The following AKAP3 variants were observed in gnomAD, a reference collection of about 807,000 sequenced individuals.
AKAP3 encodes the protein A-kinase anchor protein 3.
A neutral mutation model predicts 57.2 loss-of-function variants in AKAP3; 27 were observed. The ratio of observed to expected loss-of-function variants is 0.47; its 90% confidence interval spans 0.35 to 0.65. AKAP3 has a LOEUF of 0.65. Among genes scored for constraint, AKAP3 ranks in the 30% least tolerant of loss-of-function variants. AKAP3 has a pLI of 0.01. For synonymous variants in AKAP3, 334 were observed against 392.3 expected (o/e 0.85, Z 1.76); for missense variants, 959 against 1,040.0 (o/e 0.92, Z 1.07).
At chr12:4,620,785 C>G (rs1407736459) in intron 5 of AKAP3, among the ~76,000 whole-genome samples, 2 of 152,124 alleles carry the variant, frequency 1.3e-5, no homozygotes, top group Non-Finnish European at 2.9e-5. Flanking sequence ...ATATAAAAGT[C>G]TAGCACACAC....
intron 5 of AKAP3, 100 bp downstream of exon 5, chr12:4,626,396 C>G (rs1426377916): frequency 1.5e-6 from 2 of 1,364,392 alleles, no homozygotes; most frequent in Non-Finnish European, 2.0e-6. Context: ...TCCCATTTTA[C>G]CTTCTCTGTG....
chr12:4,646,294 G>T lies in AKAP3; in HGVS notation c.-244-1102C>A, dbSNP rs1331417271. 3.3e-5 allele frequency among the ~76,000 whole-genome samples: 5 copies of T among 152,082 alleles called. No homozygotes were observed. The East Asian group carries it at 9.6e-4, about 29-fold the overall frequency. ...GTATATAGTTTCCATGGAGCAAAAA[G>T]AAATTCCAAGCATGGCCACGAGATA... On this transcript the variant is annotated intron_variant, in intron 1 of 5. Transcript: ENST00000228850.
At chr12:4,642,698 C>T (rs979865516) in intron 2 of AKAP3, among the ~76,000 whole-genome samples, 2 of 152,146 alleles carry the variant, frequency 1.3e-5, no homozygotes, top group Non-Finnish European at 2.9e-5. Flanking sequence ...TCAATGTGTA[C>T]ATTCTATCTA....
chr12:4,628,837 A>T (rs751085016), intron 4 of AKAP3, 32 bp from the exon 5 acceptor site: 6 of 1,567,008 alleles, frequency 3.8e-6, no homozygotes, highest in South Asian at 2.4e-5. Context: ...ATCTGACTAT[A>T]ACAAAGTAAA....
At position 4,627,352 on chromosome 12, in the gene AKAP3, A is replaced by G. The variant is rs748250818; in HGVS notation, c.1550T>C (p.Met517Thr). Residue 517 changes from methionine (M) to threonine (T), a missense_variant, in exon 5 of 6, where the codon ATG (methionine) becomes ACG (threonine). Met to Thr is a moderately conservative substitution (Grantham distance 81). Coordinates refer to ENST00000228850, the MANE Select transcript of AKAP3 (RefSeq NM_001278309.2). Reference sequence around the variant, plus strand: ...CTCGGCCCAGGAGTCTGAATCATACATAAAATTCTCAGGTTTCTCTGGAGG... The same window carrying G: ...CTCGGCCCAGGAGTCTGAATCATACGTAAAATTCTCAGGTTTCTCTGGAGG... ...PYPPEKPENF[M>T]YDSDSWAEDL... 3 of 1,614,146 alleles carry G rather than the reference A, an allele frequency of 1.9e-6. No individual in the cohort carries two copies. The highest frequency in any genetic ancestry group is 2.5e-6 in the Non-Finnish European group (3 of 1,180,022).
At chr12:4,618,213 G>GTA (rs1236238773) in intron 5 of AKAP3, among the ~76,000 whole-genome samples, 1 of 152,148 alleles carries the variant, frequency 6.6e-6, no homozygotes, top group Non-Finnish European at 1.5e-5. Context: ...TAACCCAAGT[G>GTA]TATGCTGCCT....
intron 5 of AKAP3, among the ~76,000 whole-genome samples, chr12:4,626,041 C>T (rs1394343697): frequency 2.6e-5 from 4 of 152,116 alleles, no homozygotes; most frequent in East Asian, 1.9e-4. Flanking sequence ...AAATCCCCAA[C>T]GCCACCTAGA....
chr12:4,630,100 G>A (rs1250260965), intron 4 of AKAP3, among the ~76,000 whole-genome samples: 2 of 152,080 alleles, frequency 1.3e-5, no homozygotes, highest in Non-Finnish European at 2.9e-5. Flanking sequence ...TGTAATTATT[G>A]GAGTTCATAT....
At chr12:4,632,779 T>C (rs566157214) in intron 4 of AKAP3, among the ~76,000 whole-genome samples, 762 of 152,178 alleles carry the variant, frequency 5.0e-3, no homozygotes, top group African/African-American at 0.017. Context: ...TAGCTGGGAC[T>C]ACAGGTGCCC....
At chr12:4,621,620 T>C (rs2137426745) in intron 5 of AKAP3, among the ~76,000 whole-genome samples, 1 of 152,310 alleles carries the variant, frequency 6.6e-6, no homozygotes, top group African/African-American at 2.4e-5. Context: ...GGCTATACAA[T>C]ATAAGCTAGA....
intron 5 of AKAP3, among the ~76,000 whole-genome samples, chr12:4,624,316 CGTGTGTGTGTGTGTGT>C (rs71061197): frequency 0.023 from 1,009 of 43,036 alleles, 13 homozygotes; most frequent in African/African-American, 0.06. Flanking sequence ...TGTGACTTTA[CGTGTGTGTGTGTGTGT>C]GTGTGTGTGT....
chr12:4,635,776 A>G, intron 4 of AKAP3: 1 of 712,500 alleles, frequency 1.4e-6, no homozygotes, highest in Non-Finnish European at 2.6e-6. Context: ...CCTGTATTTC[A>G]AACTATACTG....
chr12:4,633,819 A>C (rs1295658883), intron 4 of AKAP3, among the ~76,000 whole-genome samples: 1 of 151,064 alleles, frequency 6.6e-6, no homozygotes, highest in Non-Finnish European at 1.5e-5. Context: ...TACCTTATAA[A>C]ATTTTCTCTG....
In AKAP3 at chr12:4,615,569, C is replaced by A; in HGVS notation, c.*170G>T. 1 of 807,668 alleles carries A rather than the reference C, an allele frequency of 1.2e-6. No homozygotes were observed. Among genetic ancestry groups the A allele is most frequent in the Non-Finnish European group, 1.8e-6 (1 of 559,950 alleles). The allele number at this position is 807,668 out of a possible 1,614,324, so 50.0% of individuals were successfully genotyped here. A position where few individuals can be genotyped will look rare whatever the true frequency, so the allele number is the denominator to read the frequency against. ...TCCTTGCTTGCATGGACAGGAAAAT[C>A]TGCAAAATCCAGTGGCTAGCACAAG... On this transcript the variant is annotated 3_prime_UTR_variant, in exon 6 of 6. Transcript: ENST00000228850.
At chr12:4,644,956 G>A (rs1945681112) in intron 2 of AKAP3, 99 bp downstream of exon 2, 1 of 152,108 alleles carries the variant, frequency 6.6e-6, no homozygotes, top group South Asian at 2.1e-4. Flanking sequence ...ACGCTAGGTT[G>A]AACATAACAA....
At chr12:4,624,073 T>A (rs554668173) in intron 5 of AKAP3, among the ~76,000 whole-genome samples, 4 of 151,706 alleles carry the variant, frequency 2.6e-5, no homozygotes, top group Admixed American at 2.6e-4. Context: ...TACATTTGAA[T>A]CTGTGCAAAA....
Position 4,626,580 on chromosome 12 carries a change from T to G in AKAP3, c.2322A>C (p.Gln774His). 4 of 1,614,206 alleles carry G rather than the reference T, an allele frequency of 2.5e-6. No individual in the cohort carries two copies. Among genetic ancestry groups the G allele is most frequent in the Non-Finnish European group, 3.4e-6 (4 of 1,180,026 alleles). ...LTDTVQNKQL[Q>H]AVLQWVAASE... ...AGGCAGCTACCCATTGAAGGACGGC[T>G]TGGAGTTGCTTGTTCTGAACTGTGT... Residue 774 changes from glutamine (Q) to histidine (H), a missense_variant, in exon 5 of 6, where the codon CAA becomes CAC. Physicochemically the swap from Gln to His is conservative, Grantham distance 24. Coordinates refer to ENST00000228850, the MANE Select transcript of AKAP3 (RefSeq NM_001278309.2).
intron 4 of AKAP3, among the ~76,000 whole-genome samples, chr12:4,634,439 C>T (rs938571370): frequency 2.0e-5 from 3 of 152,028 alleles, no homozygotes; most frequent in African/African-American, 7.2e-5. Context: ...TAATGCAGTA[C>T]CCTATTGACA....
intron 5 of AKAP3, among the ~76,000 whole-genome samples, chr12:4,617,534 C>T (rs974300990): frequency 6.6e-6 from 1 of 152,178 alleles, no homozygotes; most frequent in African/African-American, 2.4e-5. Context: ...AGGAAGATCA[C>T]CTGAAGTCAG....
Sources: gnomAD v4.1 joint callset for allele counts (sites outside exome capture counted in the v4.1 genomes callset) on GRCh38, gnomAD v4.1.1 for gene constraint, MANE v1.5 for transcripts, NCBI Gene and HGNC (gene_info 2026-07-23, HGNC 2026-07-21) for gene names.